Variants in UNC5C observed in about 807,000 individuals in gnomAD.
The protein encoded by UNC5C is netrin receptor UNC5C.
Under a neutral mutation model 99.8 loss-of-function variants are expected in UNC5C, and 47 were observed. The ratio of observed to expected loss-of-function variants is 0.47; its 90% CI spans 0.37 to 0.60. The LOEUF (loss-of-function observed/expected upper bound fraction) is 0.60, where lower values mean the gene tolerates loss of function less well. Among genes scored for constraint, UNC5C ranks in the 20% least tolerant of loss-of-function variants. UNC5C has a pLI of 0.00. For synonymous variants in UNC5C, 487 were observed against 452.2 expected (o/e 1.08, Z -0.98); for missense variants, 1,062 against 1,165.9 (o/e 0.91, Z 1.30).
intron 1 of UNC5C, among the ~76,000 whole-genome samples, chr4:95,458,938 A>G (rs1477120623): frequency 6.6e-6 from 1 of 152,108 alleles, no homozygotes; most frequent in Non-Finnish European, 1.5e-5. Context: ...TAAATGAAGT[A>G]TAGAATTATA....
At chr4:95,423,891 A>C (rs1746389366) in intron 1 of UNC5C, among the ~76,000 whole-genome samples, 1 of 152,180 alleles carries the variant, frequency 6.6e-6, no homozygotes. Context: ...GGATACACAC[A>C]AAAGGGAAAC....
chr4:95,441,729 G>T (rs1035452390), intron 1 of UNC5C, among the ~76,000 whole-genome samples: 1 of 152,134 alleles, frequency 6.6e-6, no homozygotes, highest in African/African-American at 2.4e-5. Context: ...CAAAAGACCT[G>T]TATCATTATC....
intron 1 of UNC5C, among the ~76,000 whole-genome samples, chr4:95,421,336 A>C (rs1746312430): frequency 6.6e-6 from 1 of 152,176 alleles, no homozygotes; most frequent in African/African-American, 2.4e-5. Context: ...AGACCCCAAT[A>C]AGCCCACTGT....
intron 12 of UNC5C, among the ~76,000 whole-genome samples, chr4:95,190,612 C>T (rs1237527415): frequency 6.6e-6 from 1 of 152,154 alleles, no homozygotes; most frequent in African/African-American, 2.4e-5. Flanking sequence ...GCCACTGCGC[C>T]CAGCCCCCCT....
intron 1 of UNC5C, among the ~76,000 whole-genome samples, chr4:95,502,802 G>A (rs187276106): frequency 3.9e-4 from 59 of 152,162 alleles, no homozygotes; most frequent in African/African-American, 1.3e-3. Context: ...ACAGATTTAA[G>A]TTCAGGTTAT....
intron 12 of UNC5C, among the ~76,000 whole-genome samples, chr4:95,185,452 C>T (rs1253610325): frequency 6.6e-6 from 1 of 152,144 alleles, no homozygotes; most frequent in Non-Finnish European, 1.5e-5. Flanking sequence ...CAATTTCATA[C>T]AGTTTGCCCT....
At chr4:95,247,360 G>T (rs1442579397) in intron 5 of UNC5C, among the ~76,000 whole-genome samples, 1 of 152,024 alleles carries the variant, frequency 6.6e-6, no homozygotes, top group Non-Finnish European at 1.5e-5. Flanking sequence ...GATAGGTAGG[G>T]TTTCAGTGAG....
chr4:95,491,389 G>A (rs1298372683), intron 1 of UNC5C, among the ~76,000 whole-genome samples: 1 of 151,592 alleles, frequency 6.6e-6, no homozygotes, highest in Non-Finnish European at 1.5e-5. Context: ...TAGGCAAAGA[G>A]ACTAAACAAA....
chr4:95,469,552 C>T (rs1747901148), intron 1 of UNC5C, among the ~76,000 whole-genome samples: 1 of 148,944 alleles, frequency 6.7e-6, no homozygotes, highest in Admixed American at 6.7e-5. Flanking sequence ...AGCATAACTG[C>T]AGTGACGGTT....
At chr4:95,422,779 T>C (rs1185389146) in intron 1 of UNC5C, among the ~76,000 whole-genome samples, 2 of 152,156 alleles carry the variant, frequency 1.3e-5, no homozygotes, top group African/African-American at 2.4e-5. Flanking sequence ...GTTTGGCAAA[T>C]ATGGCTGCCA....
At chr4:95,366,751 T>A (rs2149437179) in intron 1 of UNC5C, among the ~76,000 whole-genome samples, 1 of 152,318 alleles carries the variant, frequency 6.6e-6, no homozygotes, top group African/African-American at 2.4e-5. Flanking sequence ...GTTTTGTTTC[T>A]TTTTTAATTG....
intron 3 of UNC5C, among the ~76,000 whole-genome samples, chr4:95,284,238 GA>G (rs1741156669): frequency 6.6e-6 from 1 of 152,150 alleles, no homozygotes; most frequent in Non-Finnish European, 1.5e-5. Context: ...GCAGTTAGCA[GA>G]AAAGAAGACT....
At chr4:95,175,967 T>C (rs1218144494) in intron 14 of UNC5C, among the ~76,000 whole-genome samples, 1 of 151,854 alleles carries the variant, frequency 6.6e-6, no homozygotes, top group Non-Finnish European at 1.5e-5. Context: ...TTCTCTAAAC[T>C]TCCTTCTCGC....
At chr4:95,430,161 T>C (rs1746594362) in intron 1 of UNC5C, among the ~76,000 whole-genome samples, 1 of 152,062 alleles carries the variant, frequency 6.6e-6, no homozygotes, top group Admixed American at 6.6e-5. Flanking sequence ...CTGTGGACTC[T>C]GGTCGATAAT....
intron 1 of UNC5C, among the ~76,000 whole-genome samples, chr4:95,360,310 TA>T (rs1295607279): frequency 6.6e-6 from 1 of 152,176 alleles, no homozygotes; most frequent in Non-Finnish European, 1.5e-5. Context: ...AATTTAAAAT[TA>T]CTGGTAATCT....
chr4:95,405,902 T>C (rs1363730477), intron 1 of UNC5C, among the ~76,000 whole-genome samples: 1 of 152,210 alleles, frequency 6.6e-6, no homozygotes, highest in East Asian at 1.9e-4. Flanking sequence ...AAACTGTATG[T>C]CATCACAGTA....
intron 12 of UNC5C, among the ~76,000 whole-genome samples, chr4:95,191,330 A>T (rs1003213278): frequency 6.6e-6 from 1 of 152,182 alleles, no homozygotes; most frequent in African/African-American, 2.4e-5. Flanking sequence ...GGGAGCCCCC[A>T]GGCAACAGAG....
At chr4:95,170,056 G>T in intron 15 of UNC5C, 98 bp downstream of exon 15, 2 of 1,464,880 alleles carry the variant, frequency 1.4e-6, no homozygotes, top group Non-Finnish European at 1.8e-6. Flanking sequence ...TAGATGTGTG[G>T]ATGGAAAAAA....
intron 1 of UNC5C, among the ~76,000 whole-genome samples, chr4:95,525,895 T>C (rs1436099029): frequency 1.3e-5 from 2 of 152,186 alleles, no homozygotes; most frequent in Non-Finnish European, 2.9e-5. Flanking sequence ...TCTTAATTTC[T>C]AGGCTTTTTG....
Sources: allele counts gnomAD v4.1 joint callset (sites outside exome capture counted in the v4.1 genomes callset), GRCh38; gene constraint gnomAD v4.1.1; transcripts MANE v1.5; gene names NCBI Gene and HGNC (gene_info 2026-07-23, HGNC 2026-07-21).